The following ZNF43 variants were observed in gnomAD, a reference collection of about 807,000 sequenced individuals.
ZNF43 encodes the protein zinc finger protein 39-like 1 (KOX 27).
A neutral mutation model predicts 68.4 loss-of-function variants in ZNF43; 44 were observed. That is an observed-to-expected ratio of 0.64 (90% CI 0.51 to 0.83). ZNF43 has a LOEUF of 0.83. Among genes scored for constraint, ZNF43 ranks in the 40% least tolerant of loss-of-function variants. The probability of loss-of-function intolerance (pLI) is 0.00; values close to 1 mark genes in which losing one functional copy is unlikely to be tolerated. For missense variants in ZNF43, 896 were observed against 933.2 expected (o/e 0.96, Z 0.52); for synonymous variants, 308 against 307.8 (o/e 1.00, Z -0.01).
At chr19:21,843,365 A>C (rs888157442) in intron 1 of ZNF43, 85 of 985,220 alleles carry the variant, frequency 8.6e-5, no homozygotes, top group Non-Finnish European at 9.8e-5. Context: ...ACAGTTCTTC[A>C]CGTGTCTTCA....
In ZNF43 at chr19:21,809,298, T is replaced by C. The variant is rs1283805804; in HGVS notation, c.739A>G (p.Thr247Ala). The C allele has an allele frequency of 6.2e-7, 1 of 1,613,576 alleles. No individual in the cohort carries two copies. The highest frequency in any genetic ancestry group is 1.7e-5 in the Admixed American group (1 of 59,964). The change falls in exon 4 of 4, where the codon ACA becomes GCA. Residue 247 changes from threonine to alanine, a missense_variant. By Grantham distance (58) the Thr-to-Ala change is moderately conservative. Transcript: ENST00000354959. ...KVFNWSSRLT[T>A]HKKNYTRYKL... ...TATCTAGTATAATTTTTTTTATGTG[T>C]AGTAAGGCGTGAGGACCAATTAAAG...
intron 3 of ZNF43, among the ~76,000 whole-genome samples, chr19:21,816,978 T>C (rs546500008): frequency 5.3e-5 from 8 of 152,258 alleles, no homozygotes; most frequent in African/African-American, 1.9e-4. Context: ...TGGTGGCTCA[T>C]GCCTGTAATC....
chr19:21,821,138 ATTTTTTT>A (rs74174043), intron 1 of ZNF43, among the ~76,000 whole-genome samples: 9 of 118,560 alleles, frequency 7.6e-5, no homozygotes, highest in African/African-American at 1.3e-4. Context: ...CCCGGCTGTA[ATTTTTTT>A]TTTTTTTTTT....
intron 1 of ZNF43, among the ~76,000 whole-genome samples, chr19:21,834,277 G>A (rs1290849633): frequency 6.7e-6 from 1 of 148,838 alleles, no homozygotes; most frequent in Non-Finnish European, 1.5e-5. Context: ...GGCAGAGGTT[G>A]CAGTGAGCAG....
rs781605873 is a variant in ZNF43, at chr19:21,808,646, T to C, written c.1391A>G (p.Asn464Ser). The change falls in exon 4 of 4, where the codon AAC (asparagine) becomes AGC (serine). Residue 464 changes from asparagine (N) to serine (S), a missense_variant. Asn to Ser is a conservative substitution (Grantham distance 46). Coordinates refer to ENST00000354959, the MANE Select transcript of ZNF43 (RefSeq NM_003423.4). Reference sequence around the variant, plus strand: ...ATGTGTAGTAAGGTTTGAGAACTGGTTAAAGGCTTTGCCACATACTTCACA... The same window carrying C: ...ATGTGTAGTAAGGTTTGAGAACTGGCTAAAGGCTTTGCCACATACTTCACA... ...YKCEVCGKAF[N>S]QFSNLTTHKR... The C allele has an allele frequency of 8.7e-6, 14 of 1,613,118 alleles. No individual in the cohort carries two copies. The South Asian group carries it at 1.4e-4, about 16-fold the overall frequency.
At chr19:21,851,134 G>A (rs1968323823) in intron 1 of ZNF43, 1 of 152,224 alleles carries the variant, frequency 6.6e-6, no homozygotes, top group African/African-American at 2.4e-5. Flanking sequence ...CATGTGTACT[G>A]AATCTTGGTC....
chr19:21,823,804 G>T (rs1013026477), intron 1 of ZNF43, among the ~76,000 whole-genome samples: 12 of 151,908 alleles, frequency 7.9e-5, no homozygotes, highest in Admixed American at 2.6e-4. Context: ...TCTAACCTCA[G>T]GTGATCCATC....
Position 21,807,762 on chromosome 19 carries a change from C to T in ZNF43, c.2275G>A (p.Glu759Lys). ...CATTCTTTACATTTGTAGGGTTGCT[C>T]TTTAGTATGAATTCTCTTATGTGTA... The part of the protein sequence containing the change: ...LNTHKRIHTK[E>K]QPYKCKECGK... Residue 759 changes from glutamate to lysine, a missense_variant, in exon 4 of 4, where the codon GAG (glutamate) becomes AAG (lysine). Physicochemically the swap from Glu to Lys is moderately conservative, Grantham distance 56 (BLOSUM62 1). Coordinates refer to ENST00000354959, the MANE Select transcript of ZNF43 (RefSeq NM_003423.4). 6.2e-7 allele frequency: 1 copy of T among 1,613,368 alleles called. No homozygotes were observed. Among genetic ancestry groups the T allele is most frequent in the Non-Finnish European group, 8.5e-7 (1 of 1,179,698 alleles).
At chr19:21,819,530 C>T (rs901082364) in intron 1 of ZNF43, among the ~76,000 whole-genome samples, 1 of 152,148 alleles carries the variant, frequency 6.6e-6, no homozygotes. Flanking sequence ...CTATTTGCAT[C>T]ATACAGAATC....
chr19:21,812,805 GC>G (rs1291435307), intron 3 of ZNF43, among the ~76,000 whole-genome samples: 2 of 151,948 alleles, frequency 1.3e-5, no homozygotes, highest in Non-Finnish European at 2.9e-5. Context: ...ACAAAAATTA[GC>G]CGGGCATAGT....
In ZNF43 at chr19:21,809,076, T is replaced by G; in HGVS notation, c.961A>C (p.Lys321Gln). ...EKPYKCEECG[K>Q]AFNWPSTLTK... ...AGAGTTGAGGGCCAGTTAAAGGCTT[T>G]GCCACATTCTTCACATTTGTAAGGT... Residue 321 changes from lysine (K) to glutamine (Q), a missense_variant, in exon 4 of 4, where the codon AAA becomes CAA. Transcript: ENST00000354959. 6.2e-7 allele frequency: 1 copy of G among 1,613,612 alleles called. No individual in the cohort carries two copies. Among genetic ancestry groups the G allele is most frequent in the Non-Finnish European group, 8.5e-7 (1 of 1,179,884 alleles).
In ZNF43 at chr19:21,809,567, T is replaced by C; in HGVS notation, c.470A>G (p.Lys157Arg). Residue 157 changes from lysine (K) to arginine (R), a missense_variant, in exon 4 of 4, where the codon AAA becomes AGA. Transcript: ENST00000354959. ...CTTATGTCTGTTTGAATTTGAAAAT[T>C]TATGAAAGGCTTTCACACATTTATC... ...LFDKCVKAFH[K>R]FSNSNRHKIS... 1 of 1,611,662 alleles carries C rather than the reference T, an allele frequency of 6.2e-7. No individual in the cohort carries two copies. The highest frequency in any genetic ancestry group is 8.5e-7 in the Non-Finnish European group (1 of 1,179,112).
At chr19:21,836,351 C>G (rs111879306), upstream of ZNF43, 7,785 of 980,794 alleles carry the variant, frequency 7.9e-3, 450 homozygotes, top group African/African-American at 0.12. Flanking sequence ...AGAATGACAG[C>G]CTAGGCTGCC....
rs554663520 is a variant in ZNF43 at position 21,821,418 on chromosome 19, C to T, written c.4-2197G>A. Among the ~76,000 whole-genome samples, 3 of 152,196 alleles carry T rather than the reference C, an allele frequency of 2.0e-5. No individual in the cohort carries two copies. The East Asian group carries it at 5.8e-4, about 29-fold the overall frequency. On this transcript the variant is annotated intron_variant, in intron 1 of 3. Transcript: ENST00000354959. ...AATTTTTAGTAGTCTATCTTTAGCA[C>T]CCATAAAGCAAGTATATCCTGATAG...
intron 1 of ZNF43, chr19:21,827,280 T>G (rs1047238114): frequency 2.6e-5 from 4 of 152,176 alleles, no homozygotes; most frequent in Non-Finnish European, 5.9e-5. Context: ...ATGCACCTTT[T>G]GATGAAGAAT....
chr19:21,818,095 C>G (rs2037617881), intron 2 of ZNF43, 109 bp from the exon 3 acceptor site: 1 of 1,217,412 alleles, frequency 8.2e-7, no homozygotes, highest in South Asian at 1.5e-5. Flanking sequence ...ATCATTAATC[C>G]CAAAATACTA....
At chr19:21,847,744 A>G (rs1968060880) in intron 1 of ZNF43, among the ~76,000 whole-genome samples, 1 of 152,008 alleles carries the variant, frequency 6.6e-6, no homozygotes. Flanking sequence ...GGCATCATTG[A>G]GTTACATCAC....
chr19:21,840,875 T>C (rs1038465994), upstream of ZNF43: 3 of 152,206 alleles, frequency 2.0e-5, no homozygotes, highest in Non-Finnish European at 2.9e-5. Context: ...ATCTCTCCAA[T>C]TGGCTGGGTC....
intron 1 of ZNF43, among the ~76,000 whole-genome samples, chr19:21,835,355 G>GTTTT (rs554756455): frequency 5.0e-5 from 6 of 119,626 alleles, no homozygotes; most frequent in Non-Finnish European, 6.8e-5. Context: ...ATCTAGTTTA[G>GTTTT]TTTTTTTTTT....
Sources: allele counts gnomAD v4.1 joint callset (sites outside exome capture counted in the v4.1 genomes callset), GRCh38; gene constraint gnomAD v4.1.1; transcripts MANE v1.5; gene names NCBI Gene and HGNC (gene_info 2026-07-23, HGNC 2026-07-21).